WDR90: variants seen among roughly 807,000 people sequenced by gnomAD.
WDR90 encodes WD repeat domain 90.
A neutral mutation model predicts 195.2 loss-of-function variants in WDR90; 238 were observed. The observed-to-expected ratio is 1.22, with a 90% confidence interval of 1.10 to 1.36. The LOEUF (loss-of-function observed/expected upper bound fraction) is 1.36, where lower values mean the gene tolerates loss of function less well. Among genes scored for constraint, WDR90 ranks in the 40% most tolerant of loss-of-function variants. WDR90 has a pLI of 0.00. For synonymous variants in WDR90, 1,265 were observed against 1,052.4 expected, an observed-to-expected ratio of 1.20 and a Z score of -3.91; for missense variants, 2,734 against 2,439.5, an observed-to-expected ratio of 1.12 and a Z score of -2.54.
At chr16:664,299 G>A (rs540481549) in intron 34 of WDR90, among the ~76,000 whole-genome samples, 1 of 152,300 alleles carries the variant, frequency 6.6e-6, no homozygotes, top group South Asian at 2.1e-4. Context: ...TCCCATTCAG[G>A]ATATTCTGTA....
At chr16:657,536 CCT>C (rs1305224638) in intron 20 of WDR90, among the ~76,000 whole-genome samples, 1 of 152,246 alleles carries the variant, frequency 6.6e-6, no homozygotes, top group Non-Finnish European at 1.5e-5. Context: ...ACTTGGGCCC[CCT>C]GAGTGGTCAC....
rs1259988870 is a variant in WDR90 at position 662,212 on chromosome 16, G to A, written c.4034-8G>A. 6.5e-7 allele frequency: 1 copy of A among 1,545,362 alleles called. No homozygotes were observed. ...GCCGTGGCCCCTTATGGCTCCTCCT[G>A]CCCCTAGGGCTGTTGCTGTTCTCGG... On this transcript the variant is annotated splice_polypyrimidine_tract_variant and splice_region_variant and intron_variant, in intron 32 of 40. Transcript: ENST00000293879.
rs1222012271 is a variant in WDR90, at chr16:662,782, C to T, written c.4249C>T (p.Leu1417=). The T allele has an allele frequency of 1.2e-6, 2 of 1,607,274 alleles. No individual in the cohort carries two copies. The highest frequency in any genetic ancestry group is 1.7e-5 in the Admixed American group (1 of 59,644). ...MGVVGTTAGT[L]WFVSWAEGTS... is the part of the protein sequence containing the mutation. ...CGTCGTGGGCACCACGGCGGGCACG[C>T]TGTGGTTTGTCAGCTGGGCCGAGGG... Residue 1417 remains leucine (L), a synonymous_variant, in exon 34 of 41, where the codon CTG becomes TTG. Coordinates refer to ENST00000293879, the MANE Select transcript of WDR90 (RefSeq NM_145294.5).
Position 650,704 on chromosome 16 carries a change from A to T in WDR90, c.554A>T (p.Glu185Val), listed in dbSNP as rs776016250. ...CTGTACACCAGTGACCTGTGCTTTGAGCCTGGTGAGGGCCGCACCTGCACT... is the reference window on the plus strand; with the variant it reads ...CTGTACACCAGTGACCTGTGCTTTGTGCCTGGTGAGGGCCGCACCTGCACT... ...RNLYTSDLCF[E>V]PAISGAQWAK... is the part of the protein sequence containing the mutation. Residue 185 changes from glutamate (E) to valine (V), a missense_variant, in exon 5 of 41, where the codon GAG (glutamate) becomes GTG (valine). Glu to Val is a moderately radical substitution (Grantham distance 121). Transcript: ENST00000293879. The T allele has an allele frequency of 6.2e-7, 1 of 1,606,190 alleles. No individual in the cohort carries two copies. Among genetic ancestry groups the T allele is most frequent in the East Asian group, 2.2e-5 (1 of 44,574 alleles).
chr16:653,096 G>T (rs949230249), intron 10 of WDR90, among the ~76,000 whole-genome samples: 1 of 152,218 alleles, frequency 6.6e-6, no homozygotes, highest in Non-Finnish European at 1.5e-5. Flanking sequence ...GTCTGTGCAT[G>T]TGTGTACACG....
intron 39 of WDR90, 47 bp downstream of exon 39, chr16:666,839 G>C: frequency 6.2e-7 from 1 of 1,612,730 alleles, no homozygotes; most frequent in Non-Finnish European, 8.5e-7. Flanking sequence ...GGGATCCAGG[G>C]TGGTGGGTGG....
At chr16:656,973 C>T in intron 19 of WDR90, 102 bp downstream of exon 19, 1 of 1,552,612 alleles carries the variant, frequency 6.4e-7, no homozygotes, top group Non-Finnish European at 8.7e-7. Flanking sequence ...GGCTGGAGCC[C>T]CACCCTTTGC....
rs2037895661 is a variant in WDR90 at position 661,011 on chromosome 16, C to CCCAGG, written c.3392-38_3392-37insAGGCC. Reference sequence around the variant, plus strand: ...CCAGGCCCCTCCCCGCCCCCCCCCCCCCCCGGCCCGGCCTCAGGCCCCGCC... The same window carrying CCCAGG: ...CCAGGCCCCTCCCCGCCCCCCCCCCCCCAGGCCCCGGCCCGGCCTCAGGCCCCGCC... On this transcript the variant is annotated intron_variant, in intron 28 of 40. Transcript: ENST00000293879. The CCCAGG allele has an allele frequency of 3.2e-5, 5 of 157,262 alleles. 2 individuals carry two copies. Among genetic ancestry groups the CCCAGG allele is most frequent in the African/African-American group, 4.2e-4 (2 of 4,814 alleles). 9.7% of individuals were successfully genotyped at this position (157,262 alleles called of 1,614,324 possible).
intron 19 of WDR90, 27 bp from the exon 20 acceptor site, chr16:657,064 C>A: frequency 6.3e-7 from 1 of 1,593,658 alleles, no homozygotes; most frequent in Non-Finnish European, 8.5e-7. Flanking sequence ...GGGGCTAGGG[C>A]CAGCGGGGTC....
rs771700508 is a variant in WDR90, at chr16:650,574, A to G, written c.424A>G (p.Thr142Ala). ...TTTGGCCCCCTCCGGAGCCCGCTGGACCTGCCTGCAGCTCGATCTGCAGGA... is the reference window on the plus strand; with the variant it reads ...TTTGGCCCCCTCCGGAGCCCGCTGGGCCTGCCTGCAGCTCGATCTGCAGGA... Reference protein sequence around the residue: ...VGLAPSGARWTCLQLDLQDVL... With the variant: ...VGLAPSGARWACLQLDLQDVL... Residue 142 changes from threonine to alanine, a missense_variant, in exon 5 of 41, where the codon ACC (threonine) becomes GCC (alanine). Transcript: ENST00000293879. 2.0e-5 allele frequency: 32 copies of G among 1,612,164 alleles called. 1 individual carries two copies. The highest frequency in any genetic ancestry group is 2.5e-5 in the Non-Finnish European group (30 of 1,179,512).
Position 659,232 on chromosome 16 carries a change from G to A in WDR90, c.3053-13G>A, listed in dbSNP as rs2037836811. 2 of 1,611,390 alleles carry A rather than the reference G, an allele frequency of 1.2e-6. No homozygotes were observed. Among genetic ancestry groups the A allele is most frequent in the Non-Finnish European group, 8.5e-7 (1 of 1,179,556 alleles). The stretch of plus-strand genomic sequence containing the variant: ...CTTCCTTCCCAAACATCACAGGGCT[G>A]CTTCTTCCCCAGGCCCGGGCGCAGG... On this transcript the variant is annotated splice_polypyrimidine_tract_variant and intron_variant, in intron 25 of 40. Transcript: ENST00000293879.
chr16:660,818 C>T (rs1596466862), intron 28 of WDR90, 104 bp downstream of exon 28: 2 of 1,292,116 alleles, frequency 1.5e-6, no homozygotes, highest in African/African-American at 1.5e-5. Context: ...GAGCGCCAGC[C>T]ATCAGTGTGG....
In WDR90 at chr16:661,037, C is replaced by T. The variant is rs575394682; in HGVS notation, c.3392-14C>T. ...CCCCGGCCCGGCCTCAGGCCCCGCC[C>T]TCTCTGCGCACAGGCTTCTTTGCCT... On this transcript the variant is annotated splice_polypyrimidine_tract_variant and intron_variant, in intron 28 of 40. Coordinates refer to ENST00000293879, the MANE Select transcript of WDR90 (RefSeq NM_145294.5). 3 of 1,379,730 alleles carry T rather than the reference C, an allele frequency of 2.2e-6. No homozygotes were observed. The highest frequency in any genetic ancestry group is 2.2e-5 in the Admixed American group (1 of 44,664). 85.5% of individuals were successfully genotyped at this position (1,379,730 alleles called of 1,614,324 possible). A position where few individuals can be genotyped will look rare whatever the true frequency, so the allele number is the denominator to read the frequency against.
chr16:665,493 C>T (rs1358962739), intron 34 of WDR90, 186 bp from the exon 35 acceptor site: 1 of 897,258 alleles, frequency 1.1e-6, no homozygotes, highest in Non-Finnish European at 1.7e-6. Context: ...TGGACTCACC[C>T]AGATCTAGTG....
rs767957963 is a variant in WDR90 at position 658,918 on chromosome 16, C to G, written c.2918C>G (p.Pro973Arg). The stretch of plus-strand genomic sequence containing the variant: ...TAGGTGTACATCGGCCACTCGGAAC[C>G]CGTGCAGGCTGTGGCCTTCTCTCCT... The part of the protein sequence containing the change: ...GPQVYIGHSE[P>R]VQAVAFSPDQ... The change falls in exon 24 of 41, where the codon CCC (proline) becomes CGC (arginine). Residue 973 changes from proline (P) to arginine (R), a missense_variant. By Grantham distance (103) the Pro-to-Arg change is moderately radical. Coordinates refer to ENST00000293879, the MANE Select transcript of WDR90 (RefSeq NM_145294.5). The G allele has an allele frequency of 6.2e-7, 1 of 1,612,492 alleles. No homozygotes were observed. Among genetic ancestry groups the G allele is most frequent in the Admixed American group, 1.7e-5 (1 of 60,012 alleles).
Position 650,052 on chromosome 16 carries a change from T to A in WDR90, c.164T>A (p.Ile55Asn). The change falls in exon 3 of 41, where the codon ATC (isoleucine) becomes AAC (asparagine). Residue 55 changes from isoleucine to asparagine, a missense_variant. Ile to Asn is a moderately radical substitution (Grantham distance 149). Transcript: ENST00000293879. Reference protein sequence around the residue: ...IRGSVSAANYIQLPKSSTQSL... With the variant: ...IRGSVSAANYNQLPKSSTQSL... The stretch of plus-strand genomic sequence containing the variant: ...GGCTCAGTCTCTGCCGCCAACTACA[T>A]CCAGCTCCCTAAGAGCAGCACCCAG... 1.2e-6 allele frequency: 2 copies of A among 1,612,862 alleles called. No homozygotes were observed. The highest frequency in any genetic ancestry group is 2.2e-5 in the South Asian group (2 of 91,090).
At position 655,783 on chromosome 16, in the gene WDR90, T is replaced by C; in HGVS notation, c.1860T>C (p.Ile620=). 1 of 1,589,416 alleles carries C rather than the reference T, an allele frequency of 6.3e-7. No homozygotes were observed. The highest frequency in any genetic ancestry group is 8.6e-7 in the Non-Finnish European group (1 of 1,168,586). Residue 620 remains isoleucine (I), a synonymous_variant, in exon 17 of 41, where the codon ATT becomes ATC. Transcript: ENST00000293879. ...CCTCCCTGCCCCCAGGCCCCGGCAT[T>C]GCCATCAGCAGCCTCAGCGTCTCCC... The part of the protein sequence containing the change: ...QKQTFSSGPG[I]AISSLSVSPA...
Position 666,333 on chromosome 16 carries a change from T to G in WDR90, c.4723T>G (p.Cys1575Gly). Reference protein sequence around the residue: ...DHQGAPISTICVTCKECEDLG... With the variant: ...DHQGAPISTIGVTCKECEDLG... ...CCAGGGCGCCCCAATCTCTACCATC[T>G]GTGTCACGTGCAAAGAGGTAAAGCA... The change falls in exon 37 of 41, where the codon TGT (cysteine) becomes GGT (glycine). Residue 1575 changes from cysteine (C) to glycine (G), a missense_variant. Physicochemically the swap from Cys to Gly is radical, Grantham distance 159. Transcript: ENST00000293879. 6.2e-7 allele frequency: 1 copy of G among 1,612,700 alleles called. No individual in the cohort carries two copies.
In WDR90 at chr16:667,707, C is replaced by T. The variant is rs546691188; in HGVS notation, c.*118C>T. Reference sequence around the variant, plus strand: ...TCATGCTGGGACAGGCCAGGATTCACGTAAATCGCCTGGAGCAAGCTGTTG... The same window carrying T: ...TCATGCTGGGACAGGCCAGGATTCATGTAAATCGCCTGGAGCAAGCTGTTG... On this transcript the variant is annotated 3_prime_UTR_variant, in exon 41 of 41. Coordinates refer to ENST00000293879, the MANE Select transcript of WDR90 (RefSeq NM_145294.5). 1.7e-4 allele frequency: 253 copies of T among 1,470,880 alleles called. No individual in the cohort carries two copies. Among genetic ancestry groups the T allele is most frequent in the Non-Finnish European group, 2.1e-4 (227 of 1,083,488 alleles). 91.1% of individuals were successfully genotyped at this position (1,470,880 alleles called of 1,614,324 possible).
Sources: allele counts gnomAD v4.1 joint callset (sites outside exome capture counted in the v4.1 genomes callset), GRCh38; gene constraint gnomAD v4.1.1; transcripts MANE v1.5; gene names NCBI Gene and HGNC (gene_info 2026-07-23, HGNC 2026-07-21).